CLDN11: variants seen among roughly 807,000 people sequenced by gnomAD.
CLDN11 encodes the protein claudin 11, also known as claudin-11.
A neutral mutation model predicts 18.0 loss-of-function variants in CLDN11; 1 was observed. The observed-to-expected ratio is 0.06, with a 90% CI of 0.02 to 0.26. The LOEUF (loss-of-function observed/expected upper bound fraction) is 0.26, where lower values mean the gene tolerates loss of function less well. CLDN11 is among the 10% of genes least tolerant of loss of function. The probability of loss-of-function intolerance (pLI) is 1.00; values close to 1 mark genes in which losing one functional copy is unlikely to be tolerated. For missense variants in CLDN11, 172 were observed against 276.6 expected (o/e 0.62, Z 2.68); for synonymous variants, 116 against 121.5 (o/e 0.96, Z 0.30).
chr3:170,422,013 G>C (rs1359517295), intron 1 of CLDN11, among the ~76,000 whole-genome samples: 1 of 152,208 alleles, frequency 6.6e-6, no homozygotes, highest in Admixed American at 6.5e-5. Flanking sequence ...GAACCCTGAG[G>C]GCTGGAGAGA....
rs1491191074 is a variant in CLDN11, at chr3:170,433,129, ACT to A, written c.*374_*375del. On this transcript the variant is annotated 3_prime_UTR_variant, in exon 3 of 3. Coordinates refer to ENST00000064724, the MANE Select transcript of CLDN11 (RefSeq NM_005602.6). ...GGGGTGGGGAAGAGAAATACAAGATACTTTTTTTTTTTTTTTTTTTTTTTTTT... is the reference window on the plus strand; with the variant it reads ...GGGGTGGGGAAGAGAAATACAAGATATTTTTTTTTTTTTTTTTTTTTTTTT... 9.6e-6 allele frequency: 1 copy of A among 104,712 alleles called. No homozygotes were observed. Among genetic ancestry groups the A allele is most frequent in the Non-Finnish European group, 2.0e-5 (1 of 51,142 alleles). The allele number at this position is 104,712 out of a possible 1,614,324, so 6.5% of individuals were successfully genotyped here. A position where few individuals can be genotyped will look rare whatever the true frequency, so the allele number is the denominator to read the frequency against.
At chr3:170,421,275 G>C (rs1258611388) in intron 1 of CLDN11, 6 of 985,752 alleles carry the variant, frequency 6.1e-6, no homozygotes, top group African/African-American at 3.5e-5. Flanking sequence ...TGGCACTGTA[G>C]CATGTGGACA....
intron 2 of CLDN11, among the ~76,000 whole-genome samples, chr3:170,424,201 A>C (rs897884527): frequency 4.6e-5 from 7 of 152,180 alleles, no homozygotes; most frequent in Non-Finnish European, 7.4e-5. Flanking sequence ...TACTGGGGAC[A>C]CTGGGGAAAA....
At chr3:170,429,686 T>C (rs1045584139) in intron 2 of CLDN11, among the ~76,000 whole-genome samples, 1 of 152,202 alleles carries the variant, frequency 6.6e-6, no homozygotes, top group African/African-American at 2.4e-5. Context: ...TTTTGGGATA[T>C]TGAGTCTGTT....
At chr3:170,428,707 C>G (rs572642491) in intron 2 of CLDN11, among the ~76,000 whole-genome samples, 2 of 152,274 alleles carry the variant, frequency 1.3e-5, no homozygotes, top group South Asian at 2.1e-4. Context: ...CCCCCACCAC[C>G]TTGTGTAGTT....
chr3:170,421,869 G>T (rs1337498346), intron 1 of CLDN11, among the ~76,000 whole-genome samples: 1 of 152,186 alleles, frequency 6.6e-6, no homozygotes, highest in Non-Finnish European at 1.5e-5. Context: ...TACTTGACAG[G>T]ATAAAGTTCA....
chr3:170,423,464 A>G (rs988675483), intron 2 of CLDN11, 137 bp downstream of exon 2: 4 of 835,466 alleles, frequency 4.8e-6, no homozygotes, highest in East Asian at 5.3e-5. Flanking sequence ...GACTCCCACA[A>G]TCTGTATCCC....
intron 2 of CLDN11, 26 bp downstream of exon 2, chr3:170,423,353 C>T: frequency 6.2e-7 from 1 of 1,610,876 alleles, no homozygotes; most frequent in South Asian, 1.1e-5. Flanking sequence ...CAGTGGTACC[C>T]TACCTATGAG....
intron 2 of CLDN11, among the ~76,000 whole-genome samples, chr3:170,430,835 C>A (rs1457126528): frequency 6.6e-6 from 1 of 152,160 alleles, no homozygotes; most frequent in East Asian, 1.9e-4. Context: ...TGTGAGCCAC[C>A]ATGCCTGGCC....
chr3:170,428,021 G>A (rs933334833), intron 2 of CLDN11, among the ~76,000 whole-genome samples: 2 of 151,642 alleles, frequency 1.3e-5, no homozygotes, highest in Non-Finnish European at 2.9e-5. Flanking sequence ...GGCCAGCCTG[G>A]TGGTGTGCAC....
chr3:170,421,246 T>C, intron 1 of CLDN11: 1 of 984,510 alleles, frequency 1.0e-6, no homozygotes, highest in Non-Finnish European at 1.2e-6. Flanking sequence ...CCCTATCTTT[T>C]GGTGTCCGGA....
chr3:170,432,560 T>C lies in CLDN11; in HGVS notation c.428T>C (p.Val143Ala). The C allele has an allele frequency of 6.2e-7, 1 of 1,612,370 alleles. No homozygotes were observed. Among genetic ancestry groups the C allele is most frequent in the Non-Finnish European group, 8.5e-7 (1 of 1,179,584 alleles). Residue 143 changes from valine to alanine, a missense_variant, in exon 3 of 3, where the codon GTG becomes GCG. Around this residue, in one of 3 missense-constraint regions of CLDN11, gnomAD observed 161 missense variants for 240.3 expected, o/e 0.67. Coordinates refer to ENST00000064724, the MANE Select transcript of CLDN11 (RefSeq NM_005602.6). ...CTTGTTGCCACCATCTGGTTCCCTGTGTGCGCCCACCGTGAGACCACCATC... is the reference window on the plus strand; with the variant it reads ...CTTGTTGCCACCATCTGGTTCCCTGCGTGCGCCCACCGTGAGACCACCATC... ...CALVATIWFP[V>A]CAHRETTIVS...
chr3:170,424,916 G>GGTGTGTGT (rs747725849), intron 2 of CLDN11, among the ~76,000 whole-genome samples: 2 of 141,438 alleles, frequency 1.4e-5, no homozygotes, highest in African/African-American at 2.5e-5. Context: ...AAGCCACAAG[G>GGTGTGTGT]GTGTGTGTGT....
intron 2 of CLDN11, among the ~76,000 whole-genome samples, chr3:170,429,984 T>C (rs531839252): frequency 1.3e-5 from 2 of 152,356 alleles, no homozygotes; most frequent in South Asian, 4.1e-4. Flanking sequence ...GTTTGGGAAT[T>C]AGAACTTTTT....
chr3:170,430,473 A>G (rs1738970633), intron 2 of CLDN11, among the ~76,000 whole-genome samples: 2 of 152,162 alleles, frequency 1.3e-5, no homozygotes, highest in African/African-American at 4.8e-5. Context: ...AGAAGCTGGC[A>G]TGACTGTGCT....
At position 170,423,204 on chromosome 3, in the gene CLDN11, G is replaced by C; in HGVS notation, c.268G>C (p.Val90Leu). ...ACRALMIAAS[V>L]LGLPAILLLL... ...CCGCGCCCTGATGATTGCTGCCTCG[G>C]TCCTGGGTCTGCCGGCCATTTTACT... The change falls in exon 2 of 3, where the codon GTC (valine) becomes CTC (leucine). Residue 90 changes from valine (V) to leucine (L), a missense_variant. This residue lies in a region of CLDN11 where 161 missense variants were observed against 240.3 expected (regional missense o/e 0.67). Coordinates refer to ENST00000064724, the MANE Select transcript of CLDN11 (RefSeq NM_005602.6). 1.2e-6 allele frequency: 2 copies of C among 1,614,198 alleles called. No individual in the cohort carries two copies. The highest frequency in any genetic ancestry group is 1.7e-6 in the Non-Finnish European group (2 of 1,180,036).
chr3:170,429,860 A>G (rs1194423741), intron 2 of CLDN11, among the ~76,000 whole-genome samples: 3 of 152,268 alleles, frequency 2.0e-5, no homozygotes, highest in Non-Finnish European at 4.4e-5. Flanking sequence ...CATGTGCTGT[A>G]TGTGTAAATA....
chr3:170,421,490 G>T (rs1343934097), intron 1 of CLDN11, among the ~76,000 whole-genome samples: 1 of 152,222 alleles, frequency 6.6e-6, no homozygotes, highest in East Asian at 1.9e-4. Flanking sequence ...GGCAGTGCTG[G>T]AAGAGGGCCC....
At chr3:170,422,254 C>G (rs964969071) in intron 1 of CLDN11, among the ~76,000 whole-genome samples, 1 of 72,376 alleles carries the variant, frequency 1.4e-5, no homozygotes, top group Non-Finnish European at 3.5e-5. Flanking sequence ...AAGATGAAAG[C>G]GCTGCACTGA....
Sources: allele counts gnomAD v4.1 joint callset (sites outside exome capture counted in the v4.1 genomes callset), GRCh38; gene constraint gnomAD v4.1.1; regional missense constraint gnomAD v4.1.1; transcripts MANE v1.5; gene names NCBI Gene and HGNC (gene_info 2026-07-23, HGNC 2026-07-21).